Variants in SGCZ observed in about 807,000 individuals in gnomAD.
SGCZ encodes sarcoglycan zeta, also known as zeta-sarcoglycan.
SGCZ carries 40 observed loss-of-function variants against 41.3 expected under a neutral mutation model. The ratio of observed to expected loss-of-function variants is 0.97; its 90% CI spans 0.75 to 1.26. SGCZ has a LOEUF of 1.26. Ranked by LOEUF, SGCZ falls within the 50% of genes most tolerant of loss-of-function variation. The probability of loss-of-function intolerance (pLI) is 0.00; values close to 1 mark genes in which losing one functional copy is unlikely to be tolerated. For synonymous variants in SGCZ, 206 were observed against 137.5 expected (o/e 1.50, Z -3.49); for missense variants, 552 against 369.8 (o/e 1.49, Z -4.04).
chr8:14,545,066 G>A lies in SGCZ; in HGVS notation c.234+9666C>T, dbSNP rs766859493. ...ATGTGATGTCACCCCTAGCGGCCCA[G>A]CTGTAAAATTCCTCTCTTTGTACTG... On this transcript the variant is annotated intron_variant, in intron 2 of 7. Transcript: ENST00000382080. Among the ~76,000 whole-genome samples, 6 of 152,078 alleles carry A rather than the reference G, an allele frequency of 3.9e-5. No individual in the cohort carries two copies. The East Asian group carries it at 5.8e-4, about 15-fold the overall frequency.
intron 1 of SGCZ, among the ~76,000 whole-genome samples, chr8:14,821,660 A>T (rs1054351676): frequency 6.6e-6 from 1 of 152,132 alleles, no homozygotes; most frequent in East Asian, 1.9e-4. Flanking sequence ...ATGTCTTAAC[A>T]TACCCAAATC....
intron 1 of SGCZ, among the ~76,000 whole-genome samples, chr8:14,857,521 G>T (rs1040307110): frequency 5.3e-5 from 8 of 152,060 alleles, no homozygotes; most frequent in Non-Finnish European, 1.2e-4. Context: ...TAGTTCACAG[G>T]GCGTTAAGCT....
intron 1 of SGCZ, among the ~76,000 whole-genome samples, chr8:15,084,101 T>C (rs929943368): frequency 3.9e-5 from 6 of 152,210 alleles, no homozygotes; most frequent in African/African-American, 1.4e-4. Context: ...TGGTTTAAAA[T>C]TTTACGTGGT....
In SGCZ at chr8:14,349,223, T is replaced by C. The variant is rs1249254266; in HGVS notation, c.235-25019A>G. On this transcript the variant is annotated intron_variant, in intron 2 of 7. Coordinates refer to ENST00000382080, the MANE Select transcript of SGCZ (RefSeq NM_139167.4). ...AATTAATTCGCATTACCAAAATCGGTTGCCTGGAACTATCTTTGCAGGGAG... is the reference window on the plus strand; with the variant it reads ...AATTAATTCGCATTACCAAAATCGGCTGCCTGGAACTATCTTTGCAGGGAG... 2.6e-5 allele frequency among the ~76,000 whole-genome samples: 4 copies of C among 152,154 alleles called. No homozygotes were observed. In the East Asian group the frequency reaches 7.7e-4, roughly 29 times the overall value.
chr8:15,011,626 T>C (rs12550462), intron 1 of SGCZ, among the ~76,000 whole-genome samples: 60,045 of 152,088 alleles, frequency 0.39, 13,053 homozygotes, highest in Non-Finnish European at 0.48. Context: ...ATCTCAATTT[T>C]GAATAAATTC....
chr8:14,523,090 C>T (rs1264191872), intron 2 of SGCZ, among the ~76,000 whole-genome samples: 1 of 151,944 alleles, frequency 6.6e-6, no homozygotes, highest in Non-Finnish European at 1.5e-5. Flanking sequence ...TGTATATCCC[C>T]TTACCTTTCC....
chr8:15,216,893 G>C (rs960266711), intron 1 of SGCZ, among the ~76,000 whole-genome samples: 2 of 152,046 alleles, frequency 1.3e-5, no homozygotes, highest in Non-Finnish European at 2.9e-5. Flanking sequence ...GTTATAGAGA[G>C]ATTTTTGGGT....
chr8:14,851,530 T>C (rs1279679451), intron 1 of SGCZ, among the ~76,000 whole-genome samples: 1 of 152,120 alleles, frequency 6.6e-6, no homozygotes, highest in Non-Finnish European at 1.5e-5. Context: ...AAAGATTTAT[T>C]CAAGCCTTTG....
chr8:14,129,344 T>G (rs1335874109), intron 5 of SGCZ, among the ~76,000 whole-genome samples: 1 of 25,404 alleles, frequency 3.9e-5, no homozygotes, highest in Non-Finnish European at 6.4e-5. Context: ...AGACTCCGTC[T>G]CAAAAAAAAA....
At chr8:14,629,730 G>A (rs1325584875) in intron 1 of SGCZ, among the ~76,000 whole-genome samples, 7 of 151,986 alleles carry the variant, frequency 4.6e-5, no homozygotes, top group Admixed American at 3.3e-4. Context: ...ACTTTTTTAG[G>A]GTAAACAAAA....
At chr8:14,853,543 A>G (rs770351085) in intron 1 of SGCZ, 22 of 524,250 alleles carry the variant, frequency 4.2e-5, no homozygotes, top group Non-Finnish European at 8.7e-5. Flanking sequence ...GTCTCTTGAT[A>G]AATTATGCAA....
At chr8:14,405,309 A>G (rs1034254478) in intron 2 of SGCZ, among the ~76,000 whole-genome samples, 2 of 152,182 alleles carry the variant, frequency 1.3e-5, no homozygotes, top group Non-Finnish European at 1.5e-5. Context: ...TGCTATTTAA[A>G]GCTATGATGG....
At chr8:14,530,678 T>C (rs1450432791) in intron 2 of SGCZ, among the ~76,000 whole-genome samples, 2 of 57,818 alleles carry the variant, frequency 3.5e-5, no homozygotes, top group Non-Finnish European at 6.4e-5. Context: ...TAAGTTAAAA[T>C]ATTTTTATCA....
At chr8:14,844,057 G>A (rs1803016914) in intron 1 of SGCZ, among the ~76,000 whole-genome samples, 1 of 151,268 alleles carries the variant, frequency 6.6e-6, no homozygotes, top group South Asian at 2.1e-4. Flanking sequence ...AAAATTATAT[G>A]TACATATTAT....
At chr8:14,838,399 C>T (rs1479591338) in intron 1 of SGCZ, among the ~76,000 whole-genome samples, 4 of 152,118 alleles carry the variant, frequency 2.6e-5, no homozygotes, top group African/African-American at 9.7e-5. Context: ...TAGAGCATGC[C>T]ATTGATATGC....
At chr8:14,283,863 C>G (rs555520663) in intron 3 of SGCZ, among the ~76,000 whole-genome samples, 3 of 152,306 alleles carry the variant, frequency 2.0e-5, no homozygotes, top group African/African-American at 7.2e-5. Flanking sequence ...CTGAATTAAA[C>G]TAGTTTACAT....
chr8:14,810,679 T>G (rs1801711976), intron 1 of SGCZ, among the ~76,000 whole-genome samples: 1 of 152,032 alleles, frequency 6.6e-6, no homozygotes, highest in Non-Finnish European at 1.5e-5. Context: ...ACTGGATACA[T>G]TATTTTTCAA....
chr8:14,598,117 C>G (rs1344798196), intron 1 of SGCZ, among the ~76,000 whole-genome samples: 1 of 152,022 alleles, frequency 6.6e-6, no homozygotes, highest in Non-Finnish European at 1.5e-5. Context: ...ATGGCCACCT[C>G]AGATAAAATG....
chr8:14,908,428 T>A (rs1453417336), intron 1 of SGCZ, among the ~76,000 whole-genome samples: 1 of 151,952 alleles, frequency 6.6e-6, no homozygotes, highest in Non-Finnish European at 1.5e-5. Context: ...AAGAAATAGA[T>A]AAATGGGCAA....
Sources: allele counts gnomAD v4.1 joint callset (sites outside exome capture counted in the v4.1 genomes callset), GRCh38; gene constraint gnomAD v4.1.1; transcripts MANE v1.5; gene names NCBI Gene and HGNC (gene_info 2026-07-23, HGNC 2026-07-21).